SETD4: variants seen among roughly 807,000 people sequenced by gnomAD.
SETD4 encodes the protein SET domain-containing protein 4.
Under a neutral mutation model 58.3 loss-of-function variants are expected in SETD4, and 46 were observed. That is an observed-to-expected ratio of 0.79 (90% confidence interval 0.62 to 1.01). The LOEUF is 1.01. Among genes scored for constraint, SETD4 ranks in the 50% least tolerant of loss-of-function variants. SETD4 has a pLI of 0.00. For missense variants in SETD4, 490 were observed against 523.3 expected (o/e 0.94, Z 0.62); for synonymous variants, 190 against 202.6 (o/e 0.94, Z 0.53).
At chr21:36,036,652 G>C (rs2063795362) in intron 10 of SETD4, 5 of 973,952 alleles carry the variant, frequency 5.1e-6, no homozygotes, top group Non-Finnish European at 6.1e-6. Context: ...ATACGAATAA[G>C]CTGATTTCTC....
At chr21:36,041,635 T>G (rs559613951) in intron 8 of SETD4, among the ~76,000 whole-genome samples, 172 bp downstream of exon 8, 1 of 152,206 alleles carries the variant, frequency 6.6e-6, no homozygotes, top group African/African-American at 2.4e-5. Flanking sequence ...TATACTCCTT[T>G]TGTCCTCCAC....
rs369543564 is a variant in SETD4, at chr21:36,045,674, T to G, written c.634A>C (p.Arg212=). 6.2e-7 allele frequency: 1 copy of G among 1,613,872 alleles called. No homozygotes were observed. Among genetic ancestry groups the G allele is most frequent in the African/African-American group, 1.3e-5 (1 of 74,842 alleles). Residue 212 remains arginine (R), a synonymous_variant, in exon 6 of 12, where the codon AGG becomes CGG. Coordinates refer to ENST00000332131, the MANE Select transcript of SETD4 (RefSeq NM_017438.5). ...CTVNTRAVYL[R]PRQRECLSAE... ...GAAAGGCATTCCCGCTGCCTGGGCC[T>G]CAGGTACACGGCTCTGGTGTTGACG... is the stretch of plus-strand genomic sequence containing the variant.
intron 4 of SETD4, chr21:36,053,266 G>A: frequency 2.4e-6 from 1 of 416,450 alleles, no homozygotes; most frequent in Non-Finnish European, 4.4e-6. Flanking sequence ...TTCCCTTAAG[G>A]ACATGAGAGA....
At chr21:36,050,104 G>C (rs190486258) in intron 4 of SETD4, 3 of 664,022 alleles carry the variant, frequency 4.5e-6, no homozygotes, top group Non-Finnish European at 2.7e-6. Flanking sequence ...AGAAGCCCCT[G>C]TGCTCAGGAC....
At chr21:36,048,433 C>T (rs1305321841) in intron 4 of SETD4, 37 bp from the exon 5 acceptor site, 1 of 1,584,502 alleles carries the variant, frequency 6.3e-7, no homozygotes, top group Non-Finnish European at 8.7e-7. Flanking sequence ...GACGCCTATG[C>T]TTTGGGAAGG....
rs1568916708 is a variant in SETD4, at chr21:36,045,594, GC to G, written c.713del (p.Ser238ThrfsTer6). 6.2e-7 allele frequency: 1 copy of G among 1,613,582 alleles called. No homozygotes were observed. Among genetic ancestry groups the G allele is most frequent in the South Asian group, 1.1e-5 (1 of 91,084 alleles). ...LAPYLDLLNHSPHVQVKAAFN... is the reference protein window; with the variant it reads ...LAPYLDLLNHXPHVQVKAAFN... ...GTCAGCTTCTCACCTGGACATGTGG[GC>G]TATGATTCAGCAGGTCCAGGTACGG... On this transcript the variant is annotated frameshift_variant, in exon 6 of 12. Transcript: ENST00000332131. LOFTEE classifies it high-confidence loss of function.
chr21:36,039,815 G>A (rs553192890), intron 9 of SETD4, among the ~76,000 whole-genome samples: 7 of 152,348 alleles, frequency 4.6e-5, no homozygotes, highest in African/African-American at 1.2e-4. Context: ...GAAAAAGAAG[G>A]AAGCAACATC....
At chr21:36,056,195 A>C (rs186920819) in intron 3 of SETD4, among the ~76,000 whole-genome samples, 1 of 152,340 alleles carries the variant, frequency 6.6e-6, no homozygotes, top group East Asian at 1.9e-4. Flanking sequence ...AGCAAGGGGC[A>C]CAAGTGGGAA....
rs2063995345 is a variant in SETD4 at position 36,040,499 on chromosome 21, AAAAC to A, written c.1064+72_1064+75del. The A allele has an allele frequency of 2.4e-5, 32 of 1,344,438 alleles. No homozygotes were observed. In the South Asian group the frequency reaches 3.7e-4, roughly 15 times the overall value. 83.3% of individuals were successfully genotyped at this position (1,344,438 alleles called of 1,614,324 possible). A position where few individuals can be genotyped will look rare whatever the true frequency, so the allele number is the denominator to read the frequency against. ...TGGCTGGGTATCTGAATGCAAGCCA[AAAAC>A]AAACAAACCAACCCTCCAAAGTTAT... On this transcript the variant is annotated intron_variant, in intron 9 of 11. Transcript: ENST00000332131.
rs1256919222 is a variant in SETD4, at chr21:36,035,347, G to GA, written c.*645dup. The GA allele has an allele frequency of 2.6e-5, 4 of 152,564 alleles. No individual in the cohort carries two copies. Among genetic ancestry groups the GA allele is most frequent in the African/African-American group, 9.6e-5 (4 of 41,472 alleles). 9.5% of individuals were successfully genotyped at this position (152,564 alleles called of 1,614,324 possible). ...CCACCACGGCCCAGCTGTGCAGGATGAGCCAGCTCCCCAGGTGGAAAGGCC... is the reference window on the plus strand; with the variant it reads ...CCACCACGGCCCAGCTGTGCAGGATGAAGCCAGCTCCCCAGGTGGAAAGGCC... On this transcript the variant is annotated 3_prime_UTR_variant, in exon 12 of 12. Coordinates refer to ENST00000332131, the MANE Select transcript of SETD4 (RefSeq NM_017438.5).
At chr21:36,053,823 TGAA>T (rs1379080199) in intron 3 of SETD4, among the ~76,000 whole-genome samples, 1 of 152,156 alleles carries the variant, frequency 6.6e-6, no homozygotes, top group Non-Finnish European at 1.5e-5. Context: ...TTATAATCCT[TGAA>T]GGGCAGTCAG....
chr21:36,044,614 T>C (rs2064221316), intron 6 of SETD4, among the ~76,000 whole-genome samples: 1 of 152,192 alleles, frequency 6.6e-6, no homozygotes, highest in Admixed American at 6.5e-5. Flanking sequence ...CCAGGCTCCT[T>C]TGCTCCCGAT....
intron 2 of SETD4, 57 bp downstream of exon 2, chr21:36,058,759 C>A (rs926630759): frequency 6.6e-7 from 1 of 1,523,194 alleles, no homozygotes; most frequent in African/African-American, 1.4e-5. Context: ...TATGAACAAA[C>A]AAGCAATCAC....
intron 4 of SETD4, chr21:36,051,416 TTC>T (rs1338972519): frequency 6.9e-7 from 1 of 1,452,890 alleles, no homozygotes; most frequent in Non-Finnish European, 9.1e-7. Flanking sequence ...TTGTAAAACT[TTC>T]TTTCTTTTTT....
chr21:36,036,434 T>C (rs950702521), intron 10 of SETD4, 183 bp from the exon 11 acceptor site: 41 of 302,214 alleles, frequency 1.4e-4, no homozygotes, highest in African/African-American at 9.1e-4. Context: ...ACAGAAACTC[T>C]ACAAGCATAC....
chr21:36,050,400 A>G, intron 4 of SETD4: 1 of 1,614,142 alleles, frequency 6.2e-7, no homozygotes, highest in Non-Finnish European at 8.5e-7. Flanking sequence ...GGGTCTGCGG[A>G]TCAATGGAGA....
intron 3 of SETD4, among the ~76,000 whole-genome samples, chr21:36,055,647 A>G (rs1017440813): frequency 3.9e-5 from 6 of 152,190 alleles, no homozygotes; most frequent in Non-Finnish European, 8.8e-5. Context: ...TAAGAGCTAA[A>G]AACTACATGA....
intron 1 of SETD4, chr21:36,059,891 G>A (rs1374275401): frequency 2.4e-5 from 24 of 985,338 alleles, no homozygotes; most frequent in Non-Finnish European, 2.7e-5. Flanking sequence ...CCAGCGCTCA[G>A]TCCACAGACC....
At chr21:36,045,208 C>A (rs1321668366) in intron 6 of SETD4, among the ~76,000 whole-genome samples, 1 of 152,194 alleles carries the variant, frequency 6.6e-6, no homozygotes, top group Non-Finnish European at 1.5e-5. Context: ...AATGCTGTGA[C>A]AGCTACAACA....
Sources: allele counts gnomAD v4.1 joint callset (sites outside exome capture counted in the v4.1 genomes callset), GRCh38; gene constraint gnomAD v4.1.1; transcripts MANE v1.5; gene names NCBI Gene and HGNC (gene_info 2026-07-23, HGNC 2026-07-21).